Variants in LDLRAD4 observed in about 807,000 individuals in gnomAD.
LDLRAD4 encodes the protein low density lipoprotein receptor class A domain containing 4.
LDLRAD4 carries 5 observed loss-of-function variants against 17.0 expected under a neutral mutation model. The observed-to-expected ratio is 0.29, with a 90% CI of 0.15 to 0.62. The LOEUF (loss-of-function observed/expected upper bound fraction) is 0.62, where lower values mean the gene tolerates loss of function less well. Ranked by LOEUF, LDLRAD4 falls within the 20% of genes least tolerant of loss-of-function variation. LDLRAD4 has a pLI of 0.84. For missense variants in LDLRAD4, 340 were observed against 424.7 expected (o/e 0.80, Z 1.75); for synonymous variants, 168 against 171.8 (o/e 0.98, Z 0.17).
At chr18:13,544,156 A>G (rs935171656) in intron 3 of LDLRAD4, among the ~76,000 whole-genome samples, 1 of 152,258 alleles carries the variant, frequency 6.6e-6, no homozygotes, top group African/African-American at 2.4e-5. Flanking sequence ...ATACCTTCAG[A>G]AATGAGATTG....
intron 1 of LDLRAD4, among the ~76,000 whole-genome samples, chr18:13,278,770 C>A (rs1050506909): frequency 6.6e-6 from 1 of 152,206 alleles, no homozygotes; most frequent in African/African-American, 2.4e-5. Flanking sequence ...CTCTCTCCCG[C>A]TTGTCTTCCT....
In LDLRAD4 at chr18:13,440,132, C is replaced by T. The variant is rs1600281402; in HGVS notation, c.181+1748C>T. ...AGAATATCAGGACCTTGTGTGCTGC[C>T]TTGACTGGGTTCAGAGTTCTGGAGC... On this transcript the variant is annotated intron_variant, in intron 3 of 5. Coordinates refer to ENST00000359446, the Ensembl canonical transcript of LDLRAD4. The surrounding 1 kb of genome is among the most constrained non-coding windows in gnomAD (Gnocchi z 4.4). 6.6e-6 allele frequency among the ~76,000 whole-genome samples: 1 copy of T among 152,240 alleles called. No homozygotes were observed. Among genetic ancestry groups the T allele is most frequent in the East Asian group, 1.9e-4 (1 of 5,162 alleles).
intron 3 of LDLRAD4, chr18:13,611,871 C>T: frequency 1.0e-6 from 1 of 983,712 alleles, no homozygotes; most frequent in African/African-American, 1.8e-5. Context: ...GTGGCAAGAG[C>T]CGCTGGGAGC....
At chr18:13,364,593 C>G (rs1327995960) in intron 1 of LDLRAD4, among the ~76,000 whole-genome samples, 1 of 152,206 alleles carries the variant, frequency 6.6e-6, no homozygotes, top group Non-Finnish European at 1.5e-5. Context: ...CCTCCCACTT[C>G]AGCCTCTTAA....
chr18:13,347,777 A>G (rs1354848604), intron 1 of LDLRAD4, among the ~76,000 whole-genome samples: 1 of 151,980 alleles, frequency 6.6e-6, no homozygotes, highest in Non-Finnish European at 1.5e-5. Context: ...ATTTCTTTTT[A>G]TTCTTTTTTC....
chr18:13,446,890 G>A (rs1255586168), intron 3 of LDLRAD4, among the ~76,000 whole-genome samples: 4 of 151,788 alleles, frequency 2.6e-5, no homozygotes, highest in African/African-American at 9.7e-5. Flanking sequence ...GGAGGGGTGG[G>A]GCCTGCCTCG....
chr18:13,608,160 A>G (rs1417950530), intron 3 of LDLRAD4, among the ~76,000 whole-genome samples: 2 of 3,204 alleles, frequency 6.2e-4, no homozygotes, highest in African/African-American at 7.9e-4. Context: ...AAACATATGA[A>G]AAAAAAAAAA....
intron 1 of LDLRAD4, among the ~76,000 whole-genome samples, chr18:13,238,617 G>A (rs920364409): frequency 6.6e-6 from 1 of 152,216 alleles, no homozygotes; most frequent in Admixed American, 6.5e-5. Context: ...AGGCCAGAGG[G>A]CGTGGACTGC....
chr18:13,224,816 C>T (rs575854868), intron 1 of LDLRAD4, among the ~76,000 whole-genome samples: 25 of 150,726 alleles, frequency 1.7e-4, no homozygotes, highest in Non-Finnish European at 2.4e-4. Context: ...GTTATCCCAT[C>T]TTTAAGAGTC....
chr18:13,247,899 T>A (rs2043035590), intron 1 of LDLRAD4, among the ~76,000 whole-genome samples: 1 of 152,012 alleles, frequency 6.6e-6, no homozygotes, highest in South Asian at 2.1e-4. Flanking sequence ...TGAGATTTAT[T>A]GTTCAGTGTG....
intron 3 of LDLRAD4, among the ~76,000 whole-genome samples, chr18:13,599,751 A>G (rs2095139013): frequency 6.6e-6 from 1 of 152,038 alleles, no homozygotes; most frequent in African/African-American, 2.4e-5. Context: ...TTGGCCTCCC[A>G]TAGTGCTGGG....
At chr18:13,450,984 G>A (rs143617416) in intron 3 of LDLRAD4, among the ~76,000 whole-genome samples, 117 of 152,312 alleles carry the variant, frequency 7.7e-4, no homozygotes, top group African/African-American at 2.7e-3. Flanking sequence ...TCTCTTTCAT[G>A]AAGGAAGTCA....
chr18:13,535,634 T>G (rs1039367087), intron 3 of LDLRAD4, among the ~76,000 whole-genome samples: 2 of 152,228 alleles, frequency 1.3e-5, no homozygotes, highest in Admixed American at 1.3e-4. Context: ...TTAGCTGTTT[T>G]CAAAGATGAA....
At chr18:13,281,904 A>G (rs1298431756) in intron 1 of LDLRAD4, among the ~76,000 whole-genome samples, 2 of 152,128 alleles carry the variant, frequency 1.3e-5, no homozygotes. Flanking sequence ...GCTGATAAAG[A>G]TATATCCGAG....
intron 3 of LDLRAD4, among the ~76,000 whole-genome samples, chr18:13,445,779 G>T (rs990606198): frequency 1.3e-5 from 2 of 151,382 alleles, no homozygotes; most frequent in Non-Finnish European, 3.0e-5. Context: ...GTGTGTGTGT[G>T]TGAGGTTGAG....
chr18:13,333,203 T>C (rs1394155019), intron 1 of LDLRAD4, among the ~76,000 whole-genome samples: 1 of 152,258 alleles, frequency 6.6e-6, no homozygotes, highest in Non-Finnish European at 1.5e-5. Flanking sequence ...TTATTGGCCA[T>C]CTCTATATCT....
At chr18:13,573,771 A>G (rs905778229) in intron 3 of LDLRAD4, among the ~76,000 whole-genome samples, 1 of 152,166 alleles carries the variant, frequency 6.6e-6, no homozygotes, top group African/African-American at 2.4e-5. Flanking sequence ...CTCAGAGAAC[A>G]ATCTGGGTAA....
chr18:13,610,576 C>T (rs755367390), intron 3 of LDLRAD4, among the ~76,000 whole-genome samples: 24 of 152,186 alleles, frequency 1.6e-4, no homozygotes, highest in Admixed American at 9.2e-4. Context: ...CTTGAGCCAC[C>T]GTGCCTGCCC....
chr18:13,479,796 A>G (rs1388041558), intron 3 of LDLRAD4, among the ~76,000 whole-genome samples: 1 of 152,226 alleles, frequency 6.6e-6, no homozygotes, highest in Admixed American at 6.5e-5. Flanking sequence ...CTCACCAAAG[A>G]AAATATGCAG....
Sources: gnomAD v4.1 joint callset for allele counts (sites outside exome capture counted in the v4.1 genomes callset) on GRCh38, gnomAD v4.1.1 for gene constraint, Gnocchi (gnomAD v3.1) non-coding constraint, MANE v1.5 for transcripts, NCBI Gene and HGNC (gene_info 2026-07-23, HGNC 2026-07-21) for gene names.